NEDD1: variants seen among roughly 807,000 people sequenced by gnomAD.
NEDD1 encodes NEDD1 gamma-tubulin ring complex targeting factor.
NEDD1 carries 33 observed loss-of-function variants against 74.0 expected under a neutral mutation model. The ratio of observed to expected loss-of-function variants is 0.45; its 90% confidence interval spans 0.34 to 0.60. NEDD1 has a LOEUF of 0.60. NEDD1 is among the 20% of genes least tolerant of loss of function. NEDD1 has a pLI of 0.01. For missense variants in NEDD1, 746 were observed against 776.5 expected (o/e 0.96, Z 0.47); for synonymous variants, 250 against 264.4 (o/e 0.95, Z 0.53).
chr12:96,910,768 T>C (rs2136506399), intron 3 of NEDD1, among the ~76,000 whole-genome samples: 1 of 152,328 alleles, frequency 6.6e-6, no homozygotes, highest in South Asian at 2.1e-4. Flanking sequence ...TATCACCTTT[T>C]ATGTGAAAAT....
At chr12:96,928,681 CTTTTTTTTTTT>C (rs34575410) in intron 6 of NEDD1, among the ~76,000 whole-genome samples, 1 of 87,692 alleles carries the variant, frequency 1.1e-5, no homozygotes, top group Non-Finnish European at 2.2e-5. Context: ...TAGTGTGTTT[CTTTTTTTTTTT>C]TTTTTTTTTT....
chr12:96,911,525 GTA>G (rs1176103133), intron 3 of NEDD1, among the ~76,000 whole-genome samples: 2 of 152,184 alleles, frequency 1.3e-5, no homozygotes, highest in Non-Finnish European at 2.9e-5. Flanking sequence ...GGTCCACATA[GTA>G]TAGATTCCAA....
At chr12:96,943,490 G>A in intron 11 of NEDD1, 70 bp from the exon 12 acceptor site, 1 of 1,009,542 alleles carries the variant, frequency 9.9e-7, no homozygotes. Context: ...TGCCTATCAT[G>A]TTAAATGCTT....
chr12:96,911,060 CT>C (rs539138247), intron 3 of NEDD1, among the ~76,000 whole-genome samples: 3 of 152,276 alleles, frequency 2.0e-5, no homozygotes, highest in Admixed American at 6.5e-5. Flanking sequence ...AAACAAATTA[CT>C]TTGGTACTCT....
rs1262641156 is a variant in NEDD1, at chr12:96,935,054, T to C, written c.568T>C (p.Trp190Arg). 6.2e-7 allele frequency: 1 copy of C among 1,612,152 alleles called. No individual in the cohort carries two copies. Among genetic ancestry groups the C allele is most frequent in the Non-Finnish European group, 8.5e-7 (1 of 1,178,186 alleles). Reference protein sequence around the residue: ...SVSDNGIVTLWDVNSQSPYHN... With the variant: ...SVSDNGIVTLRDVNSQSPYHN... ...TTCGGATAATGGAATAGTAACTCTCTGGGATGTAAATAGTCAGAGTCCATA... is the reference window on the plus strand; with the variant it reads ...TTCGGATAATGGAATAGTAACTCTCCGGGATGTAAATAGTCAGAGTCCATA... Residue 190 changes from tryptophan to arginine, a missense_variant, in exon 7 of 16, where the codon TGG becomes CGG. Physicochemically the swap from Trp to Arg is moderately radical, Grantham distance 101. Around this residue, in one of 3 missense-constraint regions of NEDD1, gnomAD observed 706 missense variants for 706.7 expected, o/e 1.00. Transcript: ENST00000266742.
rs1383485227 is a variant in NEDD1 at position 96,953,611 on chromosome 12, A to G, written c.*1558A>G. 6.6e-6 allele frequency: 1 copy of G among 151,892 alleles called. No homozygotes were observed. The highest frequency in any genetic ancestry group is 1.5e-5 in the Non-Finnish European group (1 of 67,822). 9.4% of individuals were successfully genotyped at this position (151,892 alleles called of 1,614,324 possible). A position where few individuals can be genotyped will look rare whatever the true frequency, so the allele number is the denominator to read the frequency against. On this transcript the variant is annotated 3_prime_UTR_variant, in exon 16 of 16. Transcript: ENST00000266742. The stretch of plus-strand genomic sequence containing the variant: ...GTGGGATGAAATAATTTTAGTAATT[A>G]TGTGTACAGATGAAACATTTTTGTC...
intron 8 of NEDD1, among the ~76,000 whole-genome samples, 159 bp downstream of exon 8, chr12:96,936,971 A>T (rs1347290835): frequency 6.6e-6 from 1 of 152,004 alleles, no homozygotes; most frequent in Non-Finnish European, 1.5e-5. Flanking sequence ...GCCATTTGAT[A>T]TTTAGTTTTA....
At chr12:96,941,845 A>G (rs1354863114) in intron 10 of NEDD1, among the ~76,000 whole-genome samples, 2 of 152,140 alleles carry the variant, frequency 1.3e-5, no homozygotes, top group South Asian at 2.1e-4. Context: ...TTGATAAGGA[A>G]GCTAATAACT....
chr12:96,909,242 A>C (rs541116603), intron 2 of NEDD1, among the ~76,000 whole-genome samples: 1 of 151,676 alleles, frequency 6.6e-6, no homozygotes, highest in Non-Finnish European at 1.5e-5. Flanking sequence ...AGGTATTGGG[A>C]TATAGGGTAA....
intron 12 of NEDD1, 141 bp from the exon 13 acceptor site, chr12:96,944,497 TC>T: frequency 4.3e-6 from 2 of 461,116 alleles, no homozygotes; most frequent in Non-Finnish European, 3.8e-6. Flanking sequence ...TTTTTCTTTT[TC>T]TTCTTCTATA....
chr12:96,927,646 A>G (rs1040222161), intron 6 of NEDD1, among the ~76,000 whole-genome samples: 2 of 152,236 alleles, frequency 1.3e-5, no homozygotes, highest in Non-Finnish European at 2.9e-5. Flanking sequence ...GTTATTCAGT[A>G]TATGTTAAAT....
At chr12:96,941,044 T>G (rs994457171) in intron 10 of NEDD1, among the ~76,000 whole-genome samples, 1 of 152,100 alleles carries the variant, frequency 6.6e-6, no homozygotes, top group African/African-American at 2.4e-5. Flanking sequence ...TTTAGGTGTG[T>G]CTTTTTGGTA....
chr12:96,940,954 A>G (rs1877606248), intron 10 of NEDD1, among the ~76,000 whole-genome samples: 1 of 152,056 alleles, frequency 6.6e-6, no homozygotes, highest in South Asian at 2.1e-4. Context: ...AAAAGTTGGC[A>G]TAATAAAAAG....
intron 3 of NEDD1, among the ~76,000 whole-genome samples, chr12:96,910,379 C>T (rs1240980932): frequency 6.6e-6 from 1 of 152,172 alleles, no homozygotes; most frequent in Non-Finnish European, 1.5e-5. Flanking sequence ...TACTAATGTA[C>T]TCTCCATATC....
chr12:96,943,875 T>G (rs1448868144), intron 12 of NEDD1, 113 bp downstream of exon 12: 3 of 635,778 alleles, frequency 4.7e-6, no homozygotes, highest in African/African-American at 3.7e-5. Flanking sequence ...TATTCATAAG[T>G]CTTGATGTCA....
At chr12:96,947,091 T>G (rs1297060846) in intron 14 of NEDD1, among the ~76,000 whole-genome samples, 1 of 152,230 alleles carries the variant, frequency 6.6e-6, no homozygotes, top group Non-Finnish European at 1.5e-5. Context: ...GTTAGTATTT[T>G]TATTAGGATT....
chr12:96,929,609 A>G (rs951569530), intron 6 of NEDD1, among the ~76,000 whole-genome samples: 1,433 of 134,164 alleles, frequency 0.011, 65 homozygotes, highest in East Asian at 0.094. Flanking sequence ...ACATATGTGT[A>G]TATATATATA....
intron 11 of NEDD1, 51 bp from the exon 12 acceptor site, chr12:96,943,509 T>C (rs1592926098): frequency 1.6e-6 from 2 of 1,225,932 alleles, no homozygotes; most frequent in East Asian, 4.7e-5. Flanking sequence ...TTTTCTTCAA[T>C]GTCCAAAATT....
chr12:96,916,141 A>G (rs1241850104), intron 4 of NEDD1, among the ~76,000 whole-genome samples: 1 of 151,978 alleles, frequency 6.6e-6, no homozygotes, highest in Non-Finnish European at 1.5e-5. Flanking sequence ...GAAAATGGTA[A>G]CAGATGAGGT....
Sources: allele counts gnomAD v4.1 joint callset (sites outside exome capture counted in the v4.1 genomes callset), GRCh38; gene constraint gnomAD v4.1.1; regional missense constraint gnomAD v4.1.1; transcripts MANE v1.5; gene names NCBI Gene and HGNC (gene_info 2026-07-23, HGNC 2026-07-21).